SLC10A7: variants seen among roughly 807,000 people sequenced by gnomAD.
SLC10A7 encodes solute carrier family 10 member 7.
Under a neutral mutation model 43.2 loss-of-function variants are expected in SLC10A7, and 29 were observed. The observed-to-expected ratio is 0.67, with a 90% CI of 0.50 to 0.92. The LOEUF (loss-of-function observed/expected upper bound fraction) is 0.92. Ranked by LOEUF, SLC10A7 falls within the 40% of genes least tolerant of loss-of-function variation. The pLI, the probability that SLC10A7 is intolerant of heterozygous loss-of-function variation, is 0.00. For synonymous variants in SLC10A7, 152 were observed against 144.8 expected (o/e 1.05, Z -0.35); for missense variants, 295 against 403.2 (o/e 0.73, Z 2.30).
At chr4:146,482,264 G>T (rs896527442) in intron 4 of SLC10A7, among the ~76,000 whole-genome samples, 1 of 152,072 alleles carries the variant, frequency 6.6e-6, no homozygotes, top group Non-Finnish European at 1.5e-5. Context: ...AGTAACTGAT[G>T]CAACAGAAAG....
chr4:146,487,083 G>A (rs997064464), intron 4 of SLC10A7, among the ~76,000 whole-genome samples: 1 of 152,128 alleles, frequency 6.6e-6, no homozygotes, highest in African/African-American at 2.4e-5. Flanking sequence ...AAATCTATAA[G>A]CAGCACCTTC....
chr4:146,391,829 G>T (rs62328692), intron 5 of SLC10A7, among the ~76,000 whole-genome samples: 1 of 152,172 alleles, frequency 6.6e-6, no homozygotes, highest in African/African-American at 2.4e-5. Flanking sequence ...CATACATTCT[G>T]CTGTGAGAGA....
intron 3 of SLC10A7, among the ~76,000 whole-genome samples, chr4:146,504,204 T>C (rs1217672228): frequency 6.6e-6 from 1 of 152,086 alleles, no homozygotes; most frequent in African/African-American, 2.4e-5. Context: ...AGTCAAGGTA[T>C]AGTGAGTGCA....
Position 146,502,647 on chromosome 4 carries a change from A to G in SLC10A7, c.396+1202T>C, listed in dbSNP as rs188189221. Among the ~76,000 whole-genome samples, 8 of 152,372 alleles carry G rather than the reference A, an allele frequency of 5.3e-5. No homozygotes were observed. In the East Asian group the frequency reaches 1.2e-3, roughly 22 times the overall value. Reference sequence around the variant, plus strand: ...ACAAGTGAATGGATAAACAATTTGTAGTGTATCTATACAAAATACTACTCC... The same window carrying G: ...ACAAGTGAATGGATAAACAATTTGTGGTGTATCTATACAAAATACTACTCC... On this transcript the variant is annotated intron_variant, in intron 4 of 11. Coordinates refer to ENST00000335472, the MANE Select transcript of SLC10A7 (RefSeq NM_001029998.6).
intron 5 of SLC10A7, among the ~76,000 whole-genome samples, chr4:146,418,042 A>ATGATGATGATG (rs1324861013): frequency 2.9e-5 from 3 of 102,626 alleles, no homozygotes; most frequent in African/African-American, 1.0e-4. Context: ...TGATGATGAT[A>ATGATGATGATG]ATGATCCACA....
At chr4:146,495,532 T>A (rs1017219248) in intron 4 of SLC10A7, among the ~76,000 whole-genome samples, 4 of 152,246 alleles carry the variant, frequency 2.6e-5, no homozygotes, top group Non-Finnish European at 5.9e-5. Context: ...TGGACTGTGA[T>A]GATCTTGATC....
At chr4:146,516,493 T>C (rs894491111) in intron 2 of SLC10A7, among the ~76,000 whole-genome samples, 1 of 147,502 alleles carries the variant, frequency 6.8e-6, no homozygotes, top group Non-Finnish European at 1.5e-5. Context: ...TATATACACA[T>C]ATACATATAC....
chr4:146,448,623 A>G (rs1436272317), intron 4 of SLC10A7, among the ~76,000 whole-genome samples: 1 of 152,190 alleles, frequency 6.6e-6, no homozygotes, highest in Non-Finnish European at 1.5e-5. Flanking sequence ...ATGGCAAGTT[A>G]ATGTATTAAA....
At chr4:146,412,169 G>A (rs550354403) in intron 5 of SLC10A7, among the ~76,000 whole-genome samples, 6 of 151,702 alleles carry the variant, frequency 4.0e-5, no homozygotes, top group Non-Finnish European at 8.8e-5. Flanking sequence ...AAAAAATTAC[G>A]TGATAGAATA....
intron 5 of SLC10A7, among the ~76,000 whole-genome samples, chr4:146,367,490 A>G (rs1419949016): frequency 6.6e-6 from 1 of 152,138 alleles, no homozygotes; most frequent in African/African-American, 2.4e-5. Context: ...TTATAAATGT[A>G]TTAGAGAGTA....
intron 6 of SLC10A7, among the ~76,000 whole-genome samples, chr4:146,325,263 T>C (rs1049397764): frequency 3.3e-5 from 5 of 152,202 alleles, no homozygotes; most frequent in African/African-American, 1.2e-4. Flanking sequence ...TTAGGTATCA[T>C]TCATGATTAC....
chr4:146,519,097 ATATATATAT>A (rs1560991588), intron 1 of SLC10A7, among the ~76,000 whole-genome samples: 28 of 78,562 alleles, frequency 3.6e-4, no homozygotes, highest in East Asian at 1.3e-3. Context: ...ATATATATAT[ATATATATAT>A]ATATATAATA....
chr4:146,328,687 A>G (rs1733326910), intron 5 of SLC10A7, among the ~76,000 whole-genome samples: 1 of 152,158 alleles, frequency 6.6e-6, no homozygotes. Context: ...CATAGCCTCC[A>G]CTAACAACCA....
chr4:146,330,449 T>C (rs1204571819), intron 5 of SLC10A7, among the ~76,000 whole-genome samples: 2 of 152,162 alleles, frequency 1.3e-5, no homozygotes, highest in Non-Finnish European at 2.9e-5. Context: ...GAATAAAGAA[T>C]ATCAGTTTTG....
intron 5 of SLC10A7, among the ~76,000 whole-genome samples, chr4:146,422,312 G>T (rs1173471837): frequency 6.6e-6 from 1 of 152,076 alleles, no homozygotes; most frequent in Non-Finnish European, 1.5e-5. Context: ...TGAAACATCA[G>T]TCTTTTCCTT....
intron 5 of SLC10A7, among the ~76,000 whole-genome samples, chr4:146,386,421 G>T (rs1233548771): frequency 6.6e-6 from 1 of 152,048 alleles, no homozygotes; most frequent in Non-Finnish European, 1.5e-5. Context: ...TCCTTTACCT[G>T]CACTCACCAA....
Position 146,256,322 on chromosome 4 carries a change from A to G in SLC10A7, c.*169T>C. The G allele has an allele frequency of 1.5e-6, 1 of 645,940 alleles. No homozygotes were observed. Among genetic ancestry groups the G allele is most frequent in the Non-Finnish European group, 2.7e-6 (1 of 375,286 alleles). 40.0% of individuals were successfully genotyped at this position (645,940 alleles called of 1,614,324 possible). A position where few individuals can be genotyped will look rare whatever the true frequency, so the allele number is the denominator to read the frequency against. ...GTAATCAACAAAGCATATTTTGGAAATAACGCTCTTGTCAAATACATTTTA... is the reference window on the plus strand; with the variant it reads ...GTAATCAACAAAGCATATTTTGGAAGTAACGCTCTTGTCAAATACATTTTA... On this transcript the variant is annotated 3_prime_UTR_variant, in exon 12 of 12. Coordinates refer to ENST00000335472, the MANE Select transcript of SLC10A7 (RefSeq NM_001029998.6).
chr4:146,258,966 G>T, intron 10 of SLC10A7, 129 bp from the exon 11 acceptor site: 1 of 1,045,332 alleles, frequency 9.6e-7, no homozygotes, highest in Non-Finnish European at 1.3e-6. Context: ...TCACAGAACT[G>T]AAATGGGAAA....
intron 2 of SLC10A7, among the ~76,000 whole-genome samples, chr4:146,510,380 C>A (rs1018711869): frequency 6.6e-6 from 1 of 151,856 alleles, no homozygotes; most frequent in African/African-American, 2.4e-5. Context: ...CTGCATCAGC[C>A]TCCTGAGTAG....
Sources: gnomAD v4.1 joint callset for allele counts (sites outside exome capture counted in the v4.1 genomes callset) on GRCh38, gnomAD v4.1.1 for gene constraint, MANE v1.5 for transcripts, NCBI Gene and HGNC (gene_info 2026-07-23, HGNC 2026-07-21) for gene names.